The following MCTP1 variants were observed in gnomAD, a reference collection of about 807,000 sequenced individuals.
MCTP1 encodes the protein multiple C2 and transmembrane domain-containing protein 1.
In MCTP1, 69 loss-of-function variants were observed where a neutral mutation model predicts 120.6. The ratio of observed to expected loss-of-function variants is 0.57; its 90% CI spans 0.47 to 0.70. The LOEUF is 0.70. Ranked by LOEUF, MCTP1 falls within the 30% of genes least tolerant of loss-of-function variation. The probability of loss-of-function intolerance (pLI) is 0.00; values close to 1 mark genes in which losing one functional copy is unlikely to be tolerated. For synonymous variants in MCTP1, 529 were observed against 493.1 expected, an observed-to-expected ratio of 1.07 and a Z score of -0.96; for missense variants, 1,203 against 1,248.8, an observed-to-expected ratio of 0.96 and a Z score of 0.55.
At chr5:94,771,714 C>A (rs986810885) in intron 19 of MCTP1, among the ~76,000 whole-genome samples, 10 of 152,110 alleles carry the variant, frequency 6.6e-5, no homozygotes, top group Admixed American at 1.3e-4. Context: ...AGATCTAGTG[C>A]TTTAAAATAC....
At chr5:95,127,080 T>C (rs1758689958) in intron 1 of MCTP1, among the ~76,000 whole-genome samples, 1 of 152,110 alleles carries the variant, frequency 6.6e-6, no homozygotes, top group South Asian at 2.1e-4. Context: ...ACATCATCCT[T>C]TTTGGTGATT....
intron 1 of MCTP1, among the ~76,000 whole-genome samples, chr5:95,121,232 C>G (rs1758209297): frequency 8.3e-6 from 1 of 119,826 alleles, no homozygotes; most frequent in Middle Eastern, 6.8e-3. Context: ...GAGCAGAGAT[C>G]ATGCCACTGC....
intron 3 of MCTP1, among the ~76,000 whole-genome samples, chr5:94,943,672 C>T (rs923520837): frequency 1.6e-4 from 24 of 151,760 alleles, no homozygotes; most frequent in African/African-American, 5.8e-4. Context: ...AACAAGGAAG[C>T]ACATAGATGA....
chr5:94,704,648 T>A lies in MCTP1; in HGVS notation c.*2848A>T, dbSNP rs1754128559. ...CTCTCACTGTACTTCAACTCCAGATTTGATTTTAGTATACAATCATTGGTT... is the reference window on the plus strand; with the variant it reads ...CTCTCACTGTACTTCAACTCCAGATATGATTTTAGTATACAATCATTGGTT... On this transcript the variant is annotated 3_prime_UTR_variant, in exon 23 of 23. Coordinates refer to ENST00000515393, the MANE Select transcript of MCTP1 (RefSeq NM_024717.7). The A allele has an allele frequency of 6.6e-6, 1 of 150,880 alleles. No homozygotes were observed. The highest frequency in any genetic ancestry group is 2.4e-5 in the African/African-American group (1 of 40,956). The allele number at this position is 150,880 out of a possible 1,614,324, so 9.3% of individuals were successfully genotyped here.
intron 2 of MCTP1, among the ~76,000 whole-genome samples, chr5:95,004,040 G>A (rs1834213243): frequency 6.6e-6 from 1 of 152,198 alleles, no homozygotes; most frequent in Non-Finnish European, 1.5e-5. Flanking sequence ...TCCAGGCTGA[G>A]GAGGTCTCAG....
At chr5:95,174,679 C>A (rs1301341522) in intron 1 of MCTP1, among the ~76,000 whole-genome samples, 1 of 152,218 alleles carries the variant, frequency 6.6e-6, no homozygotes, top group East Asian at 1.9e-4. Context: ...GGGGACTCCC[C>A]TCAGACCTCC....
At chr5:95,046,551 C>T (rs565353162) in intron 1 of MCTP1, among the ~76,000 whole-genome samples, 23 of 152,240 alleles carry the variant, frequency 1.5e-4, no homozygotes, top group East Asian at 9.7e-4. Context: ...TAAATGAATA[C>T]GAGCACCAGC....
At chr5:95,008,302 C>G (rs754050598) in intron 2 of MCTP1, among the ~76,000 whole-genome samples, 6 of 152,068 alleles carry the variant, frequency 3.9e-5, no homozygotes, top group Non-Finnish European at 7.4e-5. Context: ...TTTTAATGTC[C>G]AACCCCTTCA....
intron 1 of MCTP1, among the ~76,000 whole-genome samples, chr5:95,164,862 T>C (rs1404127015): frequency 2.6e-5 from 4 of 152,158 alleles, no homozygotes; most frequent in Non-Finnish European, 4.4e-5. Context: ...AATGTGAGTC[T>C]TCCTAGTGGA....
intron 2 of MCTP1, among the ~76,000 whole-genome samples, chr5:95,002,601 T>C (rs1379077572): frequency 3.9e-5 from 6 of 152,230 alleles, no homozygotes; most frequent in African/African-American, 1.4e-4. Context: ...ATGGGGCCTG[T>C]AGCCAATTCG....
intron 17 of MCTP1, among the ~76,000 whole-genome samples, chr5:94,802,991 C>CCT (rs746133410): frequency 5.3e-5 from 8 of 151,976 alleles, no homozygotes; most frequent in South Asian, 2.1e-4. Context: ...TGTATTTTTT[C>CCT]CTCTCTCTCT....
At chr5:95,207,552 T>C (rs955222985) in intron 1 of MCTP1, among the ~76,000 whole-genome samples, 1 of 152,158 alleles carries the variant, frequency 6.6e-6, no homozygotes, top group Non-Finnish European at 1.5e-5. Flanking sequence ...GGAGAGTAAA[T>C]CTGAATTACA....
intron 1 of MCTP1, among the ~76,000 whole-genome samples, chr5:95,069,657 A>C (rs1751603581): frequency 6.6e-6 from 1 of 151,958 alleles, no homozygotes; most frequent in Admixed American, 6.6e-5. Context: ...CAGGGATGTC[A>C]AGTTGGGGTG....
At chr5:94,855,389 A>C (rs1238341181) in intron 17 of MCTP1, among the ~76,000 whole-genome samples, 1 of 151,780 alleles carries the variant, frequency 6.6e-6, no homozygotes, top group Non-Finnish European at 1.5e-5. Context: ...GTGACAATGA[A>C]CCTGTTCTTA....
At chr5:94,932,065 G>A (rs955589636) in intron 5 of MCTP1, 74 bp from the exon 6 acceptor site, 14 of 1,050,512 alleles carry the variant, frequency 1.3e-5, no homozygotes, top group South Asian at 2.7e-5. Flanking sequence ...GTTTTTTAGC[G>A]GAAACATTTA....
At chr5:95,219,381 C>CAAA (rs11414984) in intron 1 of MCTP1, among the ~76,000 whole-genome samples, 29 of 85,942 alleles carry the variant, frequency 3.4e-4, no homozygotes, top group Non-Finnish European at 4.1e-4. Flanking sequence ...GACTCCATCT[C>CAAA]AAAAAAAAAA....
At chr5:94,927,662 G>A (rs1420889437) in intron 6 of MCTP1, among the ~76,000 whole-genome samples, 5 of 152,090 alleles carry the variant, frequency 3.3e-5, no homozygotes, top group Non-Finnish European at 5.9e-5. Context: ...CTGACTGTGT[G>A]AGATACTTAA....
intron 4 of MCTP1, among the ~76,000 whole-genome samples, chr5:94,942,069 CTT>C (rs774610027): frequency 3.8e-4 from 58 of 152,142 alleles, no homozygotes; most frequent in Middle Eastern, 6.8e-3. Flanking sequence ...AGGAATGTCT[CTT>C]TTATCTCTCG....
At chr5:95,185,792 T>C (rs955780696) in intron 1 of MCTP1, among the ~76,000 whole-genome samples, 5 of 151,940 alleles carry the variant, frequency 3.3e-5, no homozygotes, top group Admixed American at 1.3e-4. Context: ...GGTCAGGAGT[T>C]TGAGACCAGC....
Sources: gnomAD v4.1 joint callset for allele counts (sites outside exome capture counted in the v4.1 genomes callset) on GRCh38, gnomAD v4.1.1 for gene constraint, MANE v1.5 for transcripts, NCBI Gene and HGNC (gene_info 2026-07-23, HGNC 2026-07-21) for gene names.